ST6GALNAC1: variants seen among roughly 807,000 people sequenced by gnomAD.
The protein encoded by ST6GALNAC1 is ST6 N-acetylgalactosaminide alpha-2,6-sialyltransferase 1, also known as alpha-N-acetylgalactosaminide alpha-2,6-sialyltransferase 1.
ST6GALNAC1 carries 45 observed loss-of-function variants against 56.8 expected under a neutral mutation model. The ratio of observed to expected loss-of-function variants is 0.79; its 90% CI spans 0.62 to 1.02. ST6GALNAC1 has a LOEUF of 1.02. ST6GALNAC1 is among the 50% of genes least tolerant of loss of function. The pLI is 0.00. For missense variants in ST6GALNAC1, 743 were observed against 754.8 expected (o/e 0.98, Z 0.18); for synonymous variants, 295 against 297.8 (o/e 0.99, Z 0.10).
rs546498515 is a variant in ST6GALNAC1 at position 76,628,373 on chromosome 17, C to T, written c.831+639G>A. Among the ~76,000 whole-genome samples, 35 of 151,568 alleles carry T rather than the reference C, an allele frequency of 2.3e-4. No homozygotes were observed. The East Asian group carries it at 6.1e-3, about 26-fold the overall frequency. On this transcript the variant is annotated intron_variant, in intron 2 of 8. Transcript: ENST00000156626. ...GTGGTGCCATCATAGCTCACTTTAA[C>T]CTCAAGTGATCCTCCCGCCTCAGCC...
chr17:76,640,946 A>G (rs2076040874), intron 1 of ST6GALNAC1, among the ~76,000 whole-genome samples: 1 of 152,236 alleles, frequency 6.6e-6, no homozygotes, highest in South Asian at 2.1e-4. Flanking sequence ...TCCCTCTAAG[A>G]AACAAAAAGA....
downstream of ST6GALNAC1, among the ~76,000 whole-genome samples, chr17:76,620,253 T>C (rs2075727372): frequency 6.6e-6 from 1 of 151,762 alleles, no homozygotes. Flanking sequence ...TTGGTCAGGC[T>C]GGTCTTGAAC....
chr17:76,627,465 C>T lies in ST6GALNAC1; in HGVS notation c.950G>A (p.Arg317His), dbSNP rs148801437. 3.6e-4 allele frequency: 577 copies of T among 1,614,056 alleles called. No homozygotes were observed. Among genetic ancestry groups the T allele is most frequent in the Non-Finnish European group, 4.5e-4 (528 of 1,180,036 alleles). Residue 317 changes from arginine to histidine, a missense_variant, in exon 3 of 9, where the codon CGC (arginine) becomes CAC (histidine). Coordinates refer to ENST00000156626, the MANE Select transcript of ST6GALNAC1 (RefSeq NM_018414.5). The surrounding 1 kb of genome is among the most constrained non-coding windows in gnomAD (Gnocchi z 4.4). The stretch of plus-strand genomic sequence containing the variant: ...AAAGGGTGGTGCAAAGTGTTCCAGG[C>T]GGTCCCACTCACTCTGGTTGAAGTG... ...SRHFNQSEWD[R>H]LEHFAPPFGF...
rs55706272 is a variant in ST6GALNAC1, at chr17:76,639,638, AACACACACACACACACACAC to A, written c.131+3850_131+3869del. On this transcript the variant is annotated intron_variant, in intron 1 of 8. Coordinates refer to ENST00000156626, the MANE Select transcript of ST6GALNAC1 (RefSeq NM_018414.5). The stretch of plus-strand genomic sequence containing the variant: ...CACAAATTCATATAATTACATGATA[AACACACACACACACACACAC>A]ACACACACACACACACACACACACA... 7.2e-3 allele frequency among the ~76,000 whole-genome samples: 896 copies of A among 125,240 alleles called. 8 individuals are homozygous for A. The highest frequency in any genetic ancestry group is 0.017 in the Middle Eastern group (4 of 242). 82.2% of individuals were successfully genotyped at this position (125,240 alleles called of 152,430 possible).
At chr17:76,638,729 C>A (rs993054663) in intron 1 of ST6GALNAC1, among the ~76,000 whole-genome samples, 1 of 152,060 alleles carries the variant, frequency 6.6e-6, no homozygotes, top group Non-Finnish European at 1.5e-5. Context: ...TTACAGGCAC[C>A]GGACCATGCC....
At chr17:76,639,299 G>A (rs1295917950) in intron 1 of ST6GALNAC1, among the ~76,000 whole-genome samples, 5 of 152,102 alleles carry the variant, frequency 3.3e-5, no homozygotes, top group Non-Finnish European at 5.9e-5. Context: ...AATGCCGGCC[G>A]GGTGCGGTGG....
chr17:76,623,357 C>A (rs749906881), downstream of ST6GALNAC1, among the ~76,000 whole-genome samples: 1 of 152,086 alleles, frequency 6.6e-6, no homozygotes, highest in African/African-American at 2.4e-5. Context: ...TTTATCCTTC[C>A]GTATGAATGT....
At position 76,626,445 on chromosome 17, in the gene ST6GALNAC1, C is replaced by A. The variant is rs558781578; in HGVS notation, c.1312-53G>T. On this transcript the variant is annotated intron_variant, in intron 5 of 8. Transcript: ENST00000156626. ...AAAAGTACTGCCTTCAGGACCACCA[C>A]CGAGGGTGGCCCAGCTCTGACTCCG... is the stretch of plus-strand genomic sequence containing the variant. The A allele has an allele frequency of 7.2e-5, 113 of 1,578,154 alleles. No individual in the cohort carries two copies. The Admixed American group carries it at 9.3e-4, about 13-fold the overall frequency.
rs1247330698 is a variant in ST6GALNAC1 at position 76,636,063 on chromosome 17, G to A, written c.132-6352C>T. 4.6e-5 allele frequency among the ~76,000 whole-genome samples: 7 copies of A among 152,118 alleles called. No individual in the cohort carries two copies. The South Asian group carries it at 8.3e-4, about 18-fold the overall frequency. ...TATAAAAGCAATGTGTGCTTATTAC[G>A]GAAAAAGCAGAAACTGCCTTAAAAC... On this transcript the variant is annotated intron_variant, in intron 1 of 8. Coordinates refer to ENST00000156626, the MANE Select transcript of ST6GALNAC1 (RefSeq NM_018414.5).
At chr17:76,638,039 AG>A (rs2076000168) in intron 1 of ST6GALNAC1, among the ~76,000 whole-genome samples, 1 of 151,576 alleles carries the variant, frequency 6.6e-6, no homozygotes, top group Non-Finnish European at 1.5e-5. Context: ...CATGCTGGCC[AG>A]GCTGGAGAAC....
intron 1 of ST6GALNAC1, among the ~76,000 whole-genome samples, chr17:76,633,268 T>C (rs772111502): frequency 1.5e-4 from 23 of 152,092 alleles, no homozygotes; most frequent in Non-Finnish European, 2.1e-4. Flanking sequence ...CCCAGCACTT[T>C]GGGAGGCCGA....
chr17:76,620,039 C>T (rs527581221), downstream of ST6GALNAC1, among the ~76,000 whole-genome samples: 7 of 149,522 alleles, frequency 4.7e-5, no homozygotes, highest in East Asian at 2.0e-4. Flanking sequence ...TCACTGTGCC[C>T]GGCCTTTTTA....
In ST6GALNAC1 at chr17:76,626,729, G is replaced by A. The variant is rs777118605; in HGVS notation, c.1233C>T (p.Tyr411=). The part of the protein sequence containing the change: ...EQDVGTRTSF[Y]GFTAFSLTQS... The stretch of plus-strand genomic sequence containing the variant: ...GGGTCAGGGAGAAGGCGGTAAAGCC[G>A]TAGAAGGATGTCCGAGTCCCCACAT... Residue 411 remains tyrosine (Y), a synonymous_variant, in exon 5 of 9, where the codon TAC becomes TAT. Coordinates refer to ENST00000156626, the MANE Select transcript of ST6GALNAC1 (RefSeq NM_018414.5). 1.1e-5 allele frequency: 18 copies of A among 1,614,112 alleles called. No homozygotes were observed. In the African/African-American group the frequency reaches 1.6e-4, roughly 14 times the overall value.
At chr17:76,640,346 A>G (rs1351415040) in intron 1 of ST6GALNAC1, among the ~76,000 whole-genome samples, 3 of 152,162 alleles carry the variant, frequency 2.0e-5, no homozygotes, top group South Asian at 2.1e-4. Flanking sequence ...TCCTGCCTTC[A>G]GAAATCTCTA....
At chr17:76,625,731 G>T in intron 8 of ST6GALNAC1, 88 bp downstream of exon 8, 1 of 1,264,672 alleles carries the variant, frequency 7.9e-7, no homozygotes, top group Non-Finnish European at 1.1e-6. Context: ...TGGGCACCCA[G>T]CCCATGCACT....
intron 1 of ST6GALNAC1, among the ~76,000 whole-genome samples, chr17:76,636,676 C>T (rs778430769): frequency 1.8e-4 from 26 of 145,672 alleles, no homozygotes; most frequent in East Asian, 4.1e-4. Context: ...ACCCAGCCGC[C>T]GCCCCGTCTG....
At position 76,626,392 on chromosome 17, in the gene ST6GALNAC1, C is replaced by T; in HGVS notation, c.1312G>A (p.Asp438Asn). Residue 438 changes from aspartate (D) to asparagine (N), a missense_variant and splice_region_variant, in exon 6 of 9, where the codon GAC (aspartate) becomes AAC (asparagine). By Grantham distance (23) the Asp-to-Asn change is conservative (BLOSUM62 1). Transcript: ENST00000156626. ...TCCAGGAAGTGCAAGTAGCGGACGT[C>T]CTGAGGACCAAGGACAGGGAGTGGT... Reference protein sequence around the residue: ...RGFKNVPLGKDVRYLHFLEGT... With the variant: ...RGFKNVPLGKNVRYLHFLEGT... 6.2e-7 allele frequency: 1 copy of T among 1,613,988 alleles called. No individual in the cohort carries two copies.
intron 1 of ST6GALNAC1, among the ~76,000 whole-genome samples, chr17:76,638,649 C>T (rs1028187253): frequency 2.6e-5 from 4 of 152,104 alleles, no homozygotes; most frequent in African/African-American, 9.7e-5. Flanking sequence ...GGCATGCTCT[C>T]GGCTCACAGC....
At chr17:76,626,852 A>T in intron 4 of ST6GALNAC1, 63 bp from the exon 5 acceptor site, 1 of 1,594,102 alleles carries the variant, frequency 6.3e-7, no homozygotes, top group Non-Finnish European at 8.6e-7. Flanking sequence ...GTGTAGGTGG[A>T]TGGGGAAAGG....
Sources: gnomAD v4.1 joint callset for allele counts (sites outside exome capture counted in the v4.1 genomes callset) on GRCh38, gnomAD v4.1.1 for gene constraint, Gnocchi (gnomAD v3.1) non-coding constraint, MANE v1.5 for transcripts, NCBI Gene and HGNC (gene_info 2026-07-23, HGNC 2026-07-21) for gene names.